Variants in OVOL2 observed in about 807,000 individuals in gnomAD.
The protein encoded by OVOL2 is transcription factor Ovo-like 2.
Under a neutral mutation model 18.1 loss-of-function variants are expected in OVOL2, and 13 were observed. The ratio of observed to expected loss-of-function variants is 0.72; its 90% CI spans 0.47 to 1.14. OVOL2 has a LOEUF of 1.14. Ranked by LOEUF, OVOL2 falls within the 50% of genes most tolerant of loss-of-function variation. The pLI is 0.00. For missense variants in OVOL2, 335 were observed against 383.0 expected, an observed-to-expected ratio of 0.87 and a Z score of 1.05; for synonymous variants, 166 against 162.7, an observed-to-expected ratio of 1.02 and a Z score of -0.16.
Position 18,056,983 on chromosome 20 carries a change from G to C in OVOL2, c.101-106C>G, listed in dbSNP as rs1463191732. The C allele has an allele frequency of 2.3e-6, 3 of 1,304,964 alleles. No individual in the cohort carries two copies. In the African/African-American group the frequency reaches 4.7e-5, roughly 20 times the overall value. 80.8% of individuals were successfully genotyped at this position (1,304,964 alleles called of 1,614,324 possible). A position where few individuals can be genotyped will look rare whatever the true frequency, so the allele number is the denominator to read the frequency against. On this transcript the variant is annotated intron_variant, in intron 1 of 3. Transcript: ENST00000278780. The surrounding 1 kb of genome is among the most constrained non-coding windows in gnomAD (Gnocchi z 4.2). ...GCTGCCGCCGCCCCGCCCCGGACCT[G>C]GGCACCTCGCCAAGTGGGCAACGTC...
chr20:18,030,137 A>G (rs1490188727), intron 3 of OVOL2, among the ~76,000 whole-genome samples: 1 of 152,214 alleles, frequency 6.6e-6, no homozygotes, highest in Admixed American at 6.5e-5. Context: ...ATAGGCAAGG[A>G]CTACAGACTC....
intron 2 of OVOL2, among the ~76,000 whole-genome samples, chr20:18,043,387 C>T (rs909335593): frequency 6.6e-6 from 1 of 152,152 alleles, no homozygotes; most frequent in African/African-American, 2.4e-5. Context: ...CTTGTAGCTT[C>T]CATTTCTTCC....
chr20:18,059,105 TC>T (rs925791749), upstream of OVOL2: 2 of 152,324 alleles, frequency 1.3e-5, no homozygotes, highest in Non-Finnish European at 2.9e-5. Context: ...CCCTCCGCGC[TC>T]CCAGCCTACA....
intron 2 of OVOL2, among the ~76,000 whole-genome samples, chr20:18,045,671 A>G (rs927558181): frequency 6.6e-6 from 1 of 152,082 alleles, no homozygotes; most frequent in African/African-American, 2.4e-5. Flanking sequence ...TAGAGATAGA[A>G]TCTCACTATG....
At chr20:18,049,339 G>T (rs2036751897) in intron 2 of OVOL2, among the ~76,000 whole-genome samples, 1 of 151,930 alleles carries the variant, frequency 6.6e-6, no homozygotes, top group African/African-American at 2.4e-5. Flanking sequence ...AACTTCTAAA[G>T]GTGAAAACAA....
intron 3 of OVOL2, among the ~76,000 whole-genome samples, chr20:18,031,717 T>C (rs2036571967): frequency 6.6e-6 from 1 of 152,234 alleles, no homozygotes; most frequent in Non-Finnish European, 1.5e-5. Flanking sequence ...TTTTTTAAAA[T>C]GTGGCTGGTG....
intron 3 of OVOL2, among the ~76,000 whole-genome samples, chr20:18,039,464 A>G (rs978529572): frequency 2.6e-5 from 4 of 152,076 alleles, no homozygotes; most frequent in Non-Finnish European, 5.9e-5. Context: ...TCTACAAAAA[A>G]TACAAAATAC....
rs75745649 is a variant in OVOL2 at position 18,052,701 on chromosome 20, A to G, written c.321+3956T>C. 3.0e-4 allele frequency among the ~76,000 whole-genome samples: 45 copies of G among 152,340 alleles called. 1 individual carries two copies. The East Asian group carries it at 8.7e-3, about 29-fold the overall frequency. On this transcript the variant is annotated intron_variant, in intron 2 of 3. Coordinates refer to ENST00000278780, the MANE Select transcript of OVOL2 (RefSeq NM_021220.4). Reference sequence around the variant, plus strand: ...CCAAGCATACTTTTGAAAGAATCTAAACTTAATTTATTTTGAAGAACCCAT... The same window carrying G: ...CCAAGCATACTTTTGAAAGAATCTAGACTTAATTTATTTTGAAGAACCCAT...
At chr20:18,046,448 G>C (rs1486600594) in intron 2 of OVOL2, among the ~76,000 whole-genome samples, 2 of 152,148 alleles carry the variant, frequency 1.3e-5, no homozygotes, top group African/African-American at 4.8e-5. Context: ...ACCCCCAGAA[G>C]ACTCCAGCCT....
chr20:18,038,269 T>C (rs984741228), intron 3 of OVOL2, among the ~76,000 whole-genome samples: 40 of 152,212 alleles, frequency 2.6e-4, no homozygotes, highest in African/African-American at 8.9e-4. Context: ...TGTTGCAATT[T>C]TACTACTAAT....
chr20:18,034,485 C>T (rs555059805), intron 3 of OVOL2, among the ~76,000 whole-genome samples: 17 of 152,188 alleles, frequency 1.1e-4, no homozygotes, highest in Non-Finnish European at 2.2e-4. Context: ...TGGGAAGCCG[C>T]TTCCAAACCC....
At position 18,041,523 on chromosome 20, in the gene OVOL2, T is replaced by C; in HGVS notation, c.511+11A>G. The C allele has an allele frequency of 1.9e-6, 3 of 1,601,464 alleles. No individual in the cohort carries two copies. The African/African-American group carries it at 4.0e-5, about 21-fold the overall frequency. On this transcript the variant is annotated intron_variant, in intron 3 of 3. Coordinates refer to ENST00000278780, the MANE Select transcript of OVOL2 (RefSeq NM_021220.4). ...ACAAAACAGAGAACAAAGCACGCAC[T>C]CCCCGCTCACCTGTGTGTGTGCGGA...
chr20:18,041,743 A>G lies in OVOL2; in HGVS notation c.322-20T>C. 6.3e-7 allele frequency: 1 copy of G among 1,599,074 alleles called. No homozygotes were observed. Among genetic ancestry groups the G allele is most frequent in the Non-Finnish European group, 8.6e-7 (1 of 1,168,994 alleles). On this transcript the variant is annotated intron_variant, in intron 2 of 3. Coordinates refer to ENST00000278780, the MANE Select transcript of OVOL2 (RefSeq NM_021220.4). ...GGTGAACTGGGGGCAGAGAGAGGCCATGAGGGTCCCCGGGCAGGCAGGCAC... is the reference window on the plus strand; with the variant it reads ...GGTGAACTGGGGGCAGAGAGAGGCCGTGAGGGTCCCCGGGCAGGCAGGCAC...
chr20:18,051,174 G>C (rs566508884), intron 2 of OVOL2, among the ~76,000 whole-genome samples: 1 of 152,146 alleles, frequency 6.6e-6, no homozygotes, highest in South Asian at 2.1e-4. Context: ...CCAGGAGTTT[G>C]AGACCAGCCT....
chr20:18,031,600 T>C (rs940546337), intron 3 of OVOL2, among the ~76,000 whole-genome samples: 6 of 152,018 alleles, frequency 3.9e-5, no homozygotes, highest in Admixed American at 3.3e-4. Flanking sequence ...AACAAAAACA[T>C]AAGCTGGCTG....
chr20:18,026,593 G>T (rs544417662), intron 3 of OVOL2, among the ~76,000 whole-genome samples: 14 of 152,244 alleles, frequency 9.2e-5, no homozygotes, highest in Non-Finnish European at 1.6e-4. Flanking sequence ...ATGTTAGCCA[G>T]AATGGTCTCG....
chr20:18,030,205 G>A (rs144141902), intron 3 of OVOL2, among the ~76,000 whole-genome samples: 1 of 152,294 alleles, frequency 6.6e-6, no homozygotes, highest in Non-Finnish European at 1.5e-5. Flanking sequence ...TGCAGACTTT[G>A]TGTTTTCCCG....
chr20:18,034,828 A>T (rs552331186), intron 3 of OVOL2, among the ~76,000 whole-genome samples: 5 of 152,246 alleles, frequency 3.3e-5, no homozygotes, highest in African/African-American at 1.2e-4. Flanking sequence ...CTTTCCTTAG[A>T]TATCCTGTTT....
chr20:18,036,308 C>CA (rs1451340287), intron 3 of OVOL2, among the ~76,000 whole-genome samples: 2 of 151,934 alleles, frequency 1.3e-5, no homozygotes, highest in African/African-American at 4.8e-5. Flanking sequence ...AAGAAAAAAA[C>CA]AAAAAAATTG....
Sources: allele counts gnomAD v4.1 joint callset (sites outside exome capture counted in the v4.1 genomes callset), GRCh38; gene constraint gnomAD v4.1.1; non-coding constraint Gnocchi (gnomAD v3.1); transcripts MANE v1.5; gene names NCBI Gene and HGNC (gene_info 2026-07-23, HGNC 2026-07-21).